Variants in DOCK9 observed in about 807,000 individuals in gnomAD.
DOCK9 encodes the protein dedicator of cytokinesis protein 9.
A neutral mutation model predicts 263.3 loss-of-function variants in DOCK9; 89 were observed. The observed-to-expected ratio is 0.34, with a 90% confidence interval of 0.28 to 0.40. The LOEUF (loss-of-function observed/expected upper bound fraction) is 0.40. Among genes scored for constraint, DOCK9 ranks in the 10% least tolerant of loss-of-function variants. The pLI, the probability that DOCK9 is intolerant of heterozygous loss-of-function variation, is 1.00. For synonymous variants in DOCK9, 976 were observed against 973.1 expected (o/e 1.00, Z -0.06); for missense variants, 2,140 against 2,603.4 (o/e 0.82, Z 3.87).
At chr13:99,015,796 C>G in intron 1 of DOCK9, 3 of 1,295,752 alleles carry the variant, frequency 2.3e-6, no homozygotes, top group Non-Finnish European at 2.9e-6. Context: ...GACAAAAAAT[C>G]CAGACTCCGA....
intron 45 of DOCK9, among the ~76,000 whole-genome samples, chr13:98,817,427 G>A (rs574163084): frequency 7.3e-6 from 1 of 137,484 alleles, no homozygotes; most frequent in Admixed American, 7.5e-5. Context: ...TTATAGCAGT[G>A]TGAGAACAGA....
chr13:98,894,267 G>T (rs1391431370), intron 15 of DOCK9, among the ~76,000 whole-genome samples: 1 of 152,134 alleles, frequency 6.6e-6, no homozygotes, highest in East Asian at 1.9e-4. Flanking sequence ...TGTTTTGTCT[G>T]AATATAAAAG....
intron 1 of DOCK9, among the ~76,000 whole-genome samples, chr13:99,044,255 A>G (rs1888746610): frequency 6.6e-6 from 1 of 152,256 alleles, no homozygotes; most frequent in Non-Finnish European, 1.5e-5. Flanking sequence ...TGAAGCCACC[A>G]GCCAGCCTCC....
intron 1 of DOCK9, among the ~76,000 whole-genome samples, chr13:99,074,267 A>C (rs571296058): frequency 1.3e-5 from 2 of 152,352 alleles, no homozygotes; most frequent in East Asian, 3.9e-4. Flanking sequence ...AAGTAATTCA[A>C]CTATTTCTTG....
chr13:98,962,327 T>C (rs1028996865), intron 1 of DOCK9, among the ~76,000 whole-genome samples: 16 of 152,252 alleles, frequency 1.1e-4, no homozygotes, highest in African/African-American at 3.9e-4. Context: ...AAATTCTAAA[T>C]AAATGTTCAC....
rs1224271111 is a variant in DOCK9 at position 98,867,442 on chromosome 13, C to T, written c.3269G>A (p.Arg1090Lys). ...TGGATTACCTTGGTATCTTTGAATCCTGCCTTTTCCAAATGGCATTGGTAA... is the reference window on the plus strand; with the variant it reads ...TGGATTACCTTGGTATCTTTGAATCTTGCCTTTTCCAAATGGCATTGGTAA... The part of the protein sequence containing the change: ...LNLPMPFGKG[R>K]IQRYQDLQLD... The change falls in exon 30 of 53, where the codon AGG (arginine) becomes AAG (lysine). Residue 1090 changes from arginine (R) to lysine (K), a missense_variant. By Grantham distance (26) the Arg-to-Lys change is conservative. Transcript: ENST00000682017. The T allele has an allele frequency of 1.4e-5, 22 of 1,600,122 alleles. No individual in the cohort carries two copies. Among genetic ancestry groups the T allele is most frequent in the African/African-American group, 2.7e-5 (2 of 74,572 alleles).
intron 9 of DOCK9, 134 bp from the exon 10 acceptor site, chr13:98,904,840 G>T: frequency 2.9e-6 from 2 of 694,072 alleles, no homozygotes; most frequent in Non-Finnish European, 4.7e-6. Context: ...GAGAGCCGCT[G>T]TGTGTGCCAG....
chr13:99,007,595 G>C (rs1375000699), intron 1 of DOCK9, among the ~76,000 whole-genome samples: 2 of 152,072 alleles, frequency 1.3e-5, no homozygotes, highest in Non-Finnish European at 2.9e-5. Flanking sequence ...CTCTAAAAGG[G>C]TGAAGACCTC....
chr13:99,082,464 A>G (rs772216292), intron 1 of DOCK9, among the ~76,000 whole-genome samples: 2 of 152,054 alleles, frequency 1.3e-5, no homozygotes, highest in Non-Finnish European at 2.9e-5. Context: ...GGTTGCAGTG[A>G]GCCAAGATCA....
chr13:98,975,840 T>C (rs1351359680), intron 1 of DOCK9, among the ~76,000 whole-genome samples: 1 of 152,242 alleles, frequency 6.6e-6, no homozygotes, highest in Non-Finnish European at 1.5e-5. Flanking sequence ...TTGGGGATTC[T>C]TACCAAGCCC....
At chr13:98,828,927 G>A (rs1210814778) in intron 43 of DOCK9, among the ~76,000 whole-genome samples, 1 of 152,114 alleles carries the variant, frequency 6.6e-6, no homozygotes, top group Non-Finnish European at 1.5e-5. Context: ...AAAGGAAATG[G>A]ACTACCCTAC....
intron 47 of DOCK9, 70 bp from the exon 48 acceptor site, chr13:98,807,877 T>C (rs2090902404): frequency 7.7e-7 from 1 of 1,304,950 alleles, no homozygotes; most frequent in Admixed American, 2.7e-5. Flanking sequence ...GGAAGCGTTC[T>C]TTTATTACAA....
chr13:98,962,597 CT>C (rs2058753916), intron 1 of DOCK9, among the ~76,000 whole-genome samples: 1 of 149,792 alleles, frequency 6.7e-6, no homozygotes, highest in Non-Finnish European at 1.5e-5. Flanking sequence ...ATAAATAGAG[CT>C]ATTCATATTA....
Position 98,977,961 on chromosome 13 carries a change from C to A in DOCK9, c.-52G>T. On this transcript the variant is annotated 5_prime_UTR_variant, in exon 1 of 53. Coordinates refer to ENST00000682017, the MANE Select transcript of DOCK9 (RefSeq NM_001366683.2). ...GTCTGCAACTGGAACAGCTGCGAGT[C>A]CCTGGCCGTGCAAGGCACAGGCATG... 1 of 1,532,742 alleles carries A rather than the reference C, an allele frequency of 6.5e-7. No individual in the cohort carries two copies. 94.9% of individuals were successfully genotyped at this position (1,532,742 alleles called of 1,614,324 possible).
intron 38 of DOCK9, chr13:98,845,179 G>A (rs1178511141): frequency 2.2e-6 from 1 of 459,156 alleles, no homozygotes; most frequent in African/African-American, 2.1e-5. Flanking sequence ...ACTGATAAAA[G>A]TAAATTAAAA....
chr13:99,027,790 C>T (rs1227352508), intron 1 of DOCK9, among the ~76,000 whole-genome samples: 1 of 152,202 alleles, frequency 6.6e-6, no homozygotes, highest in Admixed American at 6.5e-5. Context: ...CCACTCGTGG[C>T]TCATGGCCTA....
intron 1 of DOCK9, among the ~76,000 whole-genome samples, chr13:99,054,491 C>T (rs748584695): frequency 1.3e-5 from 2 of 152,166 alleles, no homozygotes; most frequent in Admixed American, 6.5e-5. Context: ...GAGAAAGCCA[C>T]ACAAGTCCAC....
chr13:99,036,627 C>T lies in DOCK9; in HGVS notation c.129+49596G>A, dbSNP rs556303636. Among the ~76,000 whole-genome samples the T allele has an allele frequency of 6.6e-5, 10 of 152,290 alleles. No homozygotes were observed. The East Asian group carries it at 1.2e-3, about 18-fold the overall frequency. On this transcript the variant is annotated intron_variant, in intron 1 of 32. Transcript: ENST00000427887. ...AGTGATCTTGGCTCACTGCAACCTC[C>T]GATTCCCTGATTCAAGTGATTCTCC...
At chr13:98,809,088 T>C (rs1451490599) in intron 47 of DOCK9, 4 of 1,540,260 alleles carry the variant, frequency 2.6e-6, no homozygotes, top group Non-Finnish European at 3.5e-6. Context: ...GTACCAAAGA[T>C]GTTGCTAAGA....
Sources: gnomAD v4.1 joint callset for allele counts (sites outside exome capture counted in the v4.1 genomes callset) on GRCh38, gnomAD v4.1.1 for gene constraint, MANE v1.5 for transcripts, NCBI Gene and HGNC (gene_info 2026-07-23, HGNC 2026-07-21) for gene names.